VPS13B: variants seen among roughly 807,000 people sequenced by gnomAD.
VPS13B encodes the protein intermembrane lipid transfer protein VPS13B.
VPS13B carries 285 observed loss-of-function variants against 426.4 expected under a neutral mutation model. The observed-to-expected ratio is 0.67, with a 90% confidence interval of 0.61 to 0.74. The LOEUF is 0.74. Ranked by LOEUF, VPS13B falls within the 30% of genes least tolerant of loss-of-function variation. The pLI, the probability that VPS13B is intolerant of heterozygous loss-of-function variation, is 0.00. For synonymous variants in VPS13B, 1,676 were observed against 1,676.4 expected, an observed-to-expected ratio of 1.00 and a Z score of 0.01; for missense variants, 4,537 against 4,782.6, an observed-to-expected ratio of 0.95 and a Z score of 1.51.
At position 99,875,520 on chromosome 8, in the gene VPS13B, C is replaced by CAAAT. The variant is rs1554590433; in HGVS notation, c.11850_11853dup (p.Pro3952AsnfsTer16). ...CCTGGCCCCCAGCTGTTCTTCCATG[C>CAAAT]AAATACCATGCCCTGTGGTGGCTGC... On this transcript the variant is annotated frameshift_variant, in exon 62 of 62. Transcript: ENST00000357162. LOFTEE classifies it high-confidence loss of function. The CAAAT allele has an allele frequency of 6.2e-7, 1 of 1,614,106 alleles. No individual in the cohort carries two copies. The highest frequency in any genetic ancestry group is 8.5e-7 in the Non-Finnish European group (1 of 1,179,950).
At chr8:99,540,585 A>G (rs1823563573) in intron 30 of VPS13B, among the ~76,000 whole-genome samples, 1 of 152,186 alleles carries the variant, frequency 6.6e-6, no homozygotes, top group African/African-American at 2.4e-5. Context: ...CTTTTTCACA[A>G]GACTTTCATG....
intron 30 of VPS13B, among the ~76,000 whole-genome samples, chr8:99,554,802 G>A (rs1824466832): frequency 6.6e-6 from 1 of 151,988 alleles, no homozygotes; most frequent in Admixed American, 6.6e-5. Flanking sequence ...CTCTCAAAAT[G>A]CCTCTCCTTC....
At chr8:99,238,434 G>C (rs1177009541) in intron 17 of VPS13B, among the ~76,000 whole-genome samples, 2 of 152,118 alleles carry the variant, frequency 1.3e-5, no homozygotes, top group South Asian at 4.1e-4. Context: ...TGGCCATGGG[G>C]CAAGCTTAGG....
chr8:99,739,987 G>A (rs530328190), intron 39 of VPS13B, among the ~76,000 whole-genome samples: 26 of 152,296 alleles, frequency 1.7e-4, no homozygotes, highest in Non-Finnish European at 3.4e-4. Context: ...AGTTTGACGA[G>A]TTGAGAGAAG....
intron 30 of VPS13B, among the ~76,000 whole-genome samples, chr8:99,532,001 GCAGAGCT>G (rs1274728641): frequency 1.3e-5 from 2 of 151,946 alleles, no homozygotes; most frequent in Non-Finnish European, 2.9e-5. Flanking sequence ...AATATTAAAA[GCAGAGCT>G]TTTTACTTCG....
intron 2 of VPS13B, among the ~76,000 whole-genome samples, chr8:99,026,428 C>CG (rs1221271517): frequency 3.3e-5 from 5 of 152,052 alleles, no homozygotes; most frequent in African/African-American, 1.2e-4. Flanking sequence ...GAATGTATCC[C>CG]GCAGCTGTTG....
chr8:99,188,807 C>G (rs1432214386), intron 16 of VPS13B, among the ~76,000 whole-genome samples: 1 of 152,088 alleles, frequency 6.6e-6, no homozygotes, highest in Non-Finnish European at 1.5e-5. Flanking sequence ...ATTTTCATTT[C>G]CCTGATGTCT....
intron 45 of VPS13B, 133 bp downstream of exon 45, chr8:99,817,936 T>A (rs1008915248): frequency 7.4e-7 from 1 of 1,358,434 alleles, no homozygotes; most frequent in African/African-American, 1.4e-5. Context: ...CTTTGAATAG[T>A]ACTTCTCAAA....
Position 99,642,332 on chromosome 8 carries a change from G to T in VPS13B, c.5742G>T (p.Arg1914=), listed in dbSNP as rs1345388528. ...ARQALGITIV[R]QPGRRGTGDL... ...AAGCACTTGGTATAACTATTGTTCG[G>T]CAGCCTGGTCGAAGAGGAACTGGTG... The change falls in exon 34 of 62, where the codon CGG becomes CGT. Residue 1914 remains arginine (R), a synonymous_variant. Coordinates refer to ENST00000357162, the MANE Select transcript of VPS13B (RefSeq NM_152564.5). 6.2e-7 allele frequency: 1 copy of T among 1,614,094 alleles called. No individual in the cohort carries two copies. The highest frequency in any genetic ancestry group is 2.2e-5 in the East Asian group (1 of 44,878).
intron 3 of VPS13B, among the ~76,000 whole-genome samples, chr8:99,088,057 A>T (rs888452075): frequency 2.6e-5 from 4 of 151,722 alleles, no homozygotes; most frequent in African/African-American, 9.7e-5. Context: ...GGTGGCATGC[A>T]CGTGTAATCC....
chr8:99,528,667 T>G (rs915761150), intron 30 of VPS13B, among the ~76,000 whole-genome samples: 1 of 152,122 alleles, frequency 6.6e-6, no homozygotes, highest in Non-Finnish European at 1.5e-5. Flanking sequence ...TCATTAAGTA[T>G]CCTTACAACA....
At chr8:99,138,072 G>A (rs562956147) in intron 12 of VPS13B, among the ~76,000 whole-genome samples, 1 of 152,134 alleles carries the variant, frequency 6.6e-6, no homozygotes, top group East Asian at 1.9e-4. Context: ...GATAACAGTG[G>A]TATCACTGTT....
At chr8:99,503,022 AT>A (rs1294274101) in intron 27 of VPS13B, 72 bp downstream of exon 27, 1 of 1,184,874 alleles carries the variant, frequency 8.4e-7, no homozygotes, top group Non-Finnish European at 1.2e-6. Flanking sequence ...GACTTTTTCT[AT>A]TTTAATTTGG....
chr8:99,871,326 TA>T, intron 60 of VPS13B, 121 bp from the exon 61 acceptor site: 1 of 1,431,626 alleles, frequency 7.0e-7, no homozygotes, highest in South Asian at 1.2e-5. Flanking sequence ...CTAAAATGGG[TA>T]ACTGGATTGG....
Position 99,143,026 on chromosome 8 carries a change from A to G in VPS13B, c.1704A>G (p.Thr568=). 6.2e-7 allele frequency: 1 copy of G among 1,613,648 alleles called. No individual in the cohort carries two copies. Among genetic ancestry groups the G allele is most frequent in the South Asian group, 1.1e-5 (1 of 90,892 alleles). Residue 568 remains threonine (T), a synonymous_variant, in exon 13 of 62, where the codon ACA becomes ACG. Transcript: ENST00000357162. The part of the protein sequence containing the change: ...FSSGKSEDLG[T]VQEKSTKSLV... ...CAGGGAAAAGTGAAGATTTGGGAAC[A>G]GTTCAGGAGAAGTCCACCAAAAGCC...
intron 19 of VPS13B, among the ~76,000 whole-genome samples, chr8:99,280,049 G>A (rs184925708): frequency 9.9e-5 from 15 of 152,260 alleles, no homozygotes; most frequent in Admixed American, 1.3e-4. Flanking sequence ...GATTACAGGC[G>A]TAAGCCATCG....
intron 21 of VPS13B, among the ~76,000 whole-genome samples, chr8:99,421,135 C>G (rs1816345770): frequency 2.0e-5 from 3 of 152,102 alleles, no homozygotes; most frequent in Admixed American, 2.0e-4. Context: ...AACTAAAACA[C>G]AAGCTGACTC....
chr8:99,133,988 A>G (rs1432944203), intron 8 of VPS13B, among the ~76,000 whole-genome samples: 1 of 152,230 alleles, frequency 6.6e-6, no homozygotes, highest in Non-Finnish European at 1.5e-5. Flanking sequence ...CAGACTTCCA[A>G]TTTGTAAAAA....
intron 24 of VPS13B, 76 bp from the exon 25 acceptor site, chr8:99,481,523 C>T: frequency 5.5e-6 from 8 of 1,450,574 alleles, no homozygotes; most frequent in Admixed American, 1.7e-5. Flanking sequence ...AGTTAATTTT[C>T]TCATATTATT....
Sources: allele counts gnomAD v4.1 joint callset (sites outside exome capture counted in the v4.1 genomes callset), GRCh38; gene constraint gnomAD v4.1.1; transcripts MANE v1.5; gene names NCBI Gene and HGNC (gene_info 2026-07-23, HGNC 2026-07-21).